RUVBL1: variants seen among roughly 807,000 people sequenced by gnomAD.
RUVBL1 encodes RuvB like AAA ATPase 1, also known as ruvB-like 1.
In RUVBL1, 4 loss-of-function variants were observed where a neutral mutation model predicts 52.4. The observed-to-expected ratio is 0.08, with a 90% CI of 0.04 to 0.17. The LOEUF (loss-of-function observed/expected upper bound fraction) is 0.17, where lower values mean the gene tolerates loss of function less well. Among genes scored for constraint, RUVBL1 ranks in the 10% least tolerant of loss-of-function variants. RUVBL1 has a pLI of 1.00. For synonymous variants in RUVBL1, 217 were observed against 214.4 expected (o/e 1.01, Z -0.10); for missense variants, 298 against 572.8 (o/e 0.52, Z 4.90).
chr3:128,152,988 ACCCCGCCCC>A (rs1170933566), intron 1 of RUVBL1, among the ~76,000 whole-genome samples: 4 of 9,172 alleles, frequency 4.4e-4, no homozygotes, highest in South Asian at 4.3e-3. Context: ...CCCCCCGCCC[ACCCCGCCCC>A]CCCCGCCCCC....
downstream of RUVBL1, among the ~76,000 whole-genome samples, chr3:128,077,023 T>C (rs1014940199): frequency 6.6e-6 from 1 of 151,520 alleles, no homozygotes; most frequent in South Asian, 2.1e-4. Flanking sequence ...CATCGGCCCA[T>C]CTTATCGCGG....
chr3:128,119,444 A>G (rs1435806188), intron 1 of RUVBL1, 30 bp from the exon 2 acceptor site: 3 of 1,562,944 alleles, frequency 1.9e-6, no homozygotes, highest in South Asian at 2.2e-5. Context: ...GAAATAATAA[A>G]TCAATATTAA....
rs780954599 is a variant in RUVBL1 at position 128,123,705 on chromosome 3, T to C, written c.20A>G (p.Lys7Arg). The change falls in exon 1 of 11, where the codon AAG becomes AGG. Residue 7 changes from lysine to arginine, a missense_variant. Lys to Arg is a conservative substitution (Grantham distance 26). This residue lies in a region of RUVBL1 where 71 missense variants were observed against 125.7 expected (regional missense o/e 0.57). Transcript: ENST00000322623. The stretch of plus-strand genomic sequence containing the variant: ...GATGCGCTGCGTCTTCGTAGTGCTC[T>C]TCACCTCCTCAATCTTCATTTTGCA... Reference protein sequence around the residue: MKIEEVKSTTKTQRIAS... With the variant: MKIEEVRSTTKTQRIAS... 1.2e-6 allele frequency: 2 copies of C among 1,606,964 alleles called. No individual in the cohort carries two copies. The highest frequency in any genetic ancestry group is 1.7e-5 in the Admixed American group (1 of 59,910).
At chr3:128,064,903 G>T in exon 10 of RUVBL1, 1 of 1,611,162 alleles carries the variant, frequency 6.2e-7, no homozygotes, top group Non-Finnish European at 8.5e-7. Flanking sequence ...TGCTATCATC[G>T]CACTTTTCCA....
At chr3:128,094,775 G>A (rs1942931614) in intron 8 of RUVBL1, among the ~76,000 whole-genome samples, 1 of 152,190 alleles carries the variant, frequency 6.6e-6, no homozygotes, top group South Asian at 2.1e-4. Context: ...CGGAGCTCTA[G>A]AGATCAGATG....
chr3:128,100,820 A>C (rs1943093316), intron 5 of RUVBL1, 76 bp from the exon 6 acceptor site: 1 of 1,560,288 alleles, frequency 6.4e-7, no homozygotes, highest in Non-Finnish European at 8.7e-7. Flanking sequence ...GCTAAGTGAG[A>C]TAAAGGTCTC....
At chr3:128,079,857 C>T (rs1942423480), downstream of RUVBL1, among the ~76,000 whole-genome samples, 1 of 152,238 alleles carries the variant, frequency 6.6e-6, no homozygotes. Flanking sequence ...TTAGTCTGAA[C>T]TAAAGCACTG....
chr3:128,137,972 G>C (rs368687971), intron 1 of RUVBL1, among the ~76,000 whole-genome samples: 17 of 152,192 alleles, frequency 1.1e-4, no homozygotes, highest in African/African-American at 4.1e-4. Context: ...TGCTGAAAAA[G>C]CATTTGATAA....
At chr3:128,094,833 G>A (rs140469781) in intron 8 of RUVBL1, among the ~76,000 whole-genome samples, 21 of 152,328 alleles carry the variant, frequency 1.4e-4, no homozygotes, top group African/African-American at 3.8e-4. Flanking sequence ...TAGGGGTGGA[G>A]TCTGTGGGAA....
At chr3:128,092,564 A>C (rs1438079817) in intron 8 of RUVBL1, among the ~76,000 whole-genome samples, 1 of 152,228 alleles carries the variant, frequency 6.6e-6, no homozygotes, top group Non-Finnish European at 1.5e-5. Flanking sequence ...CATTTCTCCA[A>C]AGACAATATA....
intron 9 of RUVBL1, among the ~76,000 whole-genome samples, chr3:128,085,814 G>A (rs924757503): frequency 7.9e-5 from 12 of 152,206 alleles, no homozygotes; most frequent in Non-Finnish European, 1.6e-4. Flanking sequence ...CAAACTGCCA[G>A]AGGAAAGCCA....
chr3:128,121,196 A>C (rs1396144227), intron 1 of RUVBL1, among the ~76,000 whole-genome samples: 1 of 151,548 alleles, frequency 6.6e-6, no homozygotes, highest in Non-Finnish European at 1.5e-5. Context: ...CCCAGGTTCA[A>C]GTGATTCTCC....
intron 9 of RUVBL1, among the ~76,000 whole-genome samples, chr3:128,085,540 G>A (rs746291223): frequency 1.4e-4 from 21 of 152,206 alleles, no homozygotes; most frequent in Non-Finnish European, 2.6e-4. Context: ...ACACCCTTAC[G>A]TGGCGATGAG....
At chr3:128,101,458 C>A in intron 5 of RUVBL1, 101 bp downstream of exon 5, 1 of 1,082,548 alleles carries the variant, frequency 9.2e-7, no homozygotes, top group South Asian at 1.3e-5. Context: ...AGCCCCTCCC[C>A]ACACACCCCA....
At chr3:128,137,130 A>G (rs554684602) in intron 1 of RUVBL1, among the ~76,000 whole-genome samples, 31 of 152,324 alleles carry the variant, frequency 2.0e-4, no homozygotes, top group African/African-American at 7.5e-4. Context: ...TTAAATAAAT[A>G]ACTTACTGGT....
At chr3:128,136,405 G>C (rs1174355916) in intron 1 of RUVBL1, among the ~76,000 whole-genome samples, 1 of 152,080 alleles carries the variant, frequency 6.6e-6, no homozygotes, top group Admixed American at 6.6e-5. Flanking sequence ...GCCAATGTGG[G>C]TGGTGAGCCC....
chr3:128,153,595 A>G (rs1244092594), exon 1 of RUVBL1: 7 of 1,586,904 alleles, frequency 4.4e-6, no homozygotes, highest in African/African-American at 1.4e-5. Context: ...GCTAAGCACC[A>G]CAGCCTCCAC....
rs747986918 is a variant in RUVBL1 at position 128,067,647 on chromosome 3, A to G, written c.940-2427T>C. On this transcript the variant is annotated intron_variant, in intron 9 of 9. Transcript: ENST00000464873. This position sits in a 1 kb window ranked among gnomAD's most constrained non-coding sequence, Gnocchi z 4.1. Reference sequence around the variant, plus strand: ...AGCAAAACTTTCTGGAAGGGTGATGAAAGTGTGACTGGTATAAGGGGTGTG... The same window carrying G: ...AGCAAAACTTTCTGGAAGGGTGATGGAAGTGTGACTGGTATAAGGGGTGTG... The G allele has an allele frequency of 8.6e-6, 13 of 1,519,950 alleles. No individual in the cohort carries two copies. In the South Asian group the frequency reaches 1.3e-4, roughly 15 times the overall value. 94.2% of individuals were successfully genotyped at this position (1,519,950 alleles called of 1,614,324 possible).
chr3:128,109,678 G>A (rs2107702708), intron 3 of RUVBL1, among the ~76,000 whole-genome samples: 1 of 152,014 alleles, frequency 6.6e-6, no homozygotes, highest in African/African-American at 2.4e-5. Context: ...ATTTTTTGTA[G>A]AGACACAGTT....
Sources: gnomAD v4.1 joint callset for allele counts (sites outside exome capture counted in the v4.1 genomes callset) on GRCh38, gnomAD v4.1.1 for gene constraint, gnomAD v4.1.1 regional missense constraint, Gnocchi (gnomAD v3.1) non-coding constraint, MANE v1.5 for transcripts, NCBI Gene and HGNC (gene_info 2026-07-23, HGNC 2026-07-21) for gene names.